Variants in GRIA1 observed in about 807,000 individuals in gnomAD.
GRIA1 encodes glutamate receptor 1.
Under a neutral mutation model 99.2 loss-of-function variants are expected in GRIA1, and 31 were observed. The observed-to-expected ratio is 0.31, with a 90% CI of 0.23 to 0.42. GRIA1 has a LOEUF of 0.42. Among genes scored for constraint, GRIA1 ranks in the 10% least tolerant of loss-of-function variants. GRIA1 has a pLI of 1.00. For synonymous variants in GRIA1, 438 were observed against 432.4 expected, an observed-to-expected ratio of 1.01 and a Z score of -0.16; for missense variants, 782 against 1,157.5, an observed-to-expected ratio of 0.68 and a Z score of 4.71.
At chr5:153,759,307 A>T (rs113871835) in intron 11 of GRIA1, among the ~76,000 whole-genome samples, 19 of 151,822 alleles carry the variant, frequency 1.3e-4, no homozygotes, top group African/African-American at 4.3e-4. Flanking sequence ...AAAACTGACG[A>T]ACCTTTAGCA....
chr5:153,808,387 G>A (rs1766584432), intron 15 of GRIA1, among the ~76,000 whole-genome samples: 1 of 152,106 alleles, frequency 6.6e-6, no homozygotes, highest in East Asian at 1.9e-4. Context: ...CCACGACGGG[G>A]GGCGGGGAGT....
chr5:153,801,148 C>A (rs527649729), intron 14 of GRIA1, among the ~76,000 whole-genome samples: 1 of 152,386 alleles, frequency 6.6e-6, no homozygotes, highest in South Asian at 2.1e-4. Flanking sequence ...GCTGCGCTTC[C>A]TGAGCCATTA....
intron 11 of GRIA1, among the ~76,000 whole-genome samples, chr5:153,738,123 A>G (rs962308688): frequency 1.3e-5 from 2 of 152,252 alleles, no homozygotes; most frequent in African/African-American, 2.4e-5. Context: ...GACAGGATGC[A>G]GAGAAAGGAA....
At chr5:153,691,119 G>A (rs1032429710) in intron 8 of GRIA1, among the ~76,000 whole-genome samples, 3 of 152,158 alleles carry the variant, frequency 2.0e-5, no homozygotes, top group African/African-American at 7.2e-5. Context: ...AAATGTGGGT[G>A]TTCTAAGCAT....
chr5:153,769,671 A>G (rs1056665215), intron 12 of GRIA1, among the ~76,000 whole-genome samples: 1 of 151,676 alleles, frequency 6.6e-6, no homozygotes, highest in African/African-American at 2.4e-5. Context: ...TTTGCCATCA[A>G]AAGTAATGGC....
At chr5:153,783,016 G>C (rs934864461) in intron 13 of GRIA1, among the ~76,000 whole-genome samples, 10 of 152,280 alleles carry the variant, frequency 6.6e-5, no homozygotes, top group Admixed American at 6.5e-4. Context: ...GGGCCAGCAG[G>C]GTCAGGCTGG....
chr5:153,541,886 C>T lies in GRIA1; in HGVS notation c.220+47821C>T, dbSNP rs533646145. Among the ~76,000 whole-genome samples, 10 of 147,030 alleles carry T rather than the reference C, an allele frequency of 6.8e-5. 1 individual carries two copies. The highest frequency in any genetic ancestry group is 3.5e-3 in the Middle Eastern group (1 of 282). On this transcript the variant is annotated intron_variant, in intron 2 of 15. Coordinates refer to ENST00000285900, the MANE Select transcript of GRIA1 (RefSeq NM_000827.4). ...TGGAGGTTGCAGTGAGCTGAGATCA[C>T]GCCACTGCACACCAGCCGGGTGACA...
intron 4 of GRIA1, among the ~76,000 whole-genome samples, chr5:153,653,224 T>C (rs755095319): frequency 7.2e-5 from 11 of 152,190 alleles, no homozygotes; most frequent in Non-Finnish European, 1.6e-4. Flanking sequence ...AGTTCTTAAA[T>C]GTAAGATAAA....
intron 13 of GRIA1, among the ~76,000 whole-genome samples, chr5:153,788,349 T>G (rs1765100289): frequency 6.6e-6 from 1 of 152,212 alleles, no homozygotes; most frequent in African/African-American, 2.4e-5. Context: ...TTGGCTTCCA[T>G]GTTTCCCCAC....
intron 8 of GRIA1, among the ~76,000 whole-genome samples, chr5:153,690,557 G>A (rs914224270): frequency 6.6e-6 from 1 of 152,136 alleles, no homozygotes; most frequent in Non-Finnish European, 1.5e-5. Context: ...GGCACGTAGC[G>A]GACATTCAGC....
chr5:153,670,800 A>G (rs1039423860), intron 5 of GRIA1, among the ~76,000 whole-genome samples: 2 of 152,174 alleles, frequency 1.3e-5, no homozygotes, highest in Non-Finnish European at 2.9e-5. Flanking sequence ...AAGAGTTAAC[A>G]CCTTTATTTC....
chr5:153,493,183 G>A (rs1010598853), intron 1 of GRIA1, among the ~76,000 whole-genome samples: 1 of 152,138 alleles, frequency 6.6e-6, no homozygotes, highest in African/African-American at 2.4e-5. Context: ...CTCTTGAGAT[G>A]CCTAAGATCC....
At chr5:153,664,664 T>TGTC (rs1460922661) in intron 5 of GRIA1, among the ~76,000 whole-genome samples, 2 of 152,208 alleles carry the variant, frequency 1.3e-5, no homozygotes, top group African/African-American at 4.8e-5. Flanking sequence ...GGACCACACC[T>TGTC]GTCTTCTTCT....
chr5:153,678,174 T>C (rs1369140005), intron 7 of GRIA1, among the ~76,000 whole-genome samples: 3 of 152,142 alleles, frequency 2.0e-5, no homozygotes, highest in African/African-American at 7.2e-5. Context: ...GAAGATGAAT[T>C]TGGGCTCCTT....
At chr5:153,649,426 A>ATTTT in intron 3 of GRIA1, among the ~76,000 whole-genome samples, 5 of 132,082 alleles carry the variant, frequency 3.8e-5, no homozygotes, top group African/African-American at 1.4e-4. Flanking sequence ...TTCAGGACAC[A>ATTTT]TTTTATTTAT....
chr5:153,705,561 T>G, intron 10 of GRIA1, 136 bp from the exon 11 acceptor site: 1 of 1,165,790 alleles, frequency 8.6e-7, no homozygotes. Flanking sequence ...GGGGTTGGAC[T>G]TCAAAGGTTC....
intron 2 of GRIA1, among the ~76,000 whole-genome samples, chr5:153,534,347 A>T (rs1480445863): frequency 1.3e-5 from 2 of 152,188 alleles, no homozygotes; most frequent in Admixed American, 6.5e-5. Flanking sequence ...TCTGGGGAGA[A>T]GGAACTGTGA....
chr5:153,741,411 T>C (rs559078177), intron 11 of GRIA1, among the ~76,000 whole-genome samples: 14 of 152,334 alleles, frequency 9.2e-5, no homozygotes, highest in African/African-American at 2.6e-4. Context: ...GGGGTACTTA[T>C]ACAATATAAT....
At chr5:153,627,334 T>C (rs891843987) in intron 2 of GRIA1, among the ~76,000 whole-genome samples, 1 of 152,166 alleles carries the variant, frequency 6.6e-6, no homozygotes, top group Non-Finnish European at 1.5e-5. Context: ...GAGTTACTAA[T>C]TAACTTGCCC....
Sources: allele counts gnomAD v4.1 joint callset (sites outside exome capture counted in the v4.1 genomes callset), GRCh38; gene constraint gnomAD v4.1.1; transcripts MANE v1.5; gene names NCBI Gene and HGNC (gene_info 2026-07-23, HGNC 2026-07-21).